MYO18B: variants seen among roughly 807,000 people sequenced by gnomAD.
MYO18B encodes myosin XVIIIB.
A neutral mutation model predicts 273.0 loss-of-function variants in MYO18B; 204 were observed. The observed-to-expected ratio is 0.75, with a 90% CI of 0.67 to 0.84. The LOEUF is 0.84. Ranked by LOEUF, MYO18B falls within the 40% of genes least tolerant of loss-of-function variation. MYO18B has a pLI of 0.00. For synonymous variants in MYO18B, 1,330 were observed against 1,305.7 expected, an observed-to-expected ratio of 1.02 and a Z score of -0.40; for missense variants, 3,212 against 3,287.6, an observed-to-expected ratio of 0.98 and a Z score of 0.56.
At position 25,972,100 on chromosome 22, in the gene MYO18B, G is replaced by T. The variant is rs191471426; in HGVS notation, c.6156+16736G>T. On this transcript the variant is annotated intron_variant, in intron 39 of 43. Coordinates refer to ENST00000335473, the MANE Select transcript of MYO18B (RefSeq NM_032608.7). ...ACTGCATTCCAGCCTGGGTGACAGAGTGAGACTGTCTCAAAAAAAAAAATA... is the reference window on the plus strand; with the variant it reads ...ACTGCATTCCAGCCTGGGTGACAGATTGAGACTGTCTCAAAAAAAAAAATA... Among the ~76,000 whole-genome samples the T allele has an allele frequency of 3.3e-5, 5 of 150,676 alleles. No individual in the cohort carries two copies. The East Asian group carries it at 9.7e-4, about 29-fold the overall frequency.
intron 42 of MYO18B, among the ~76,000 whole-genome samples, chr22:26,008,783 C>A (rs1934649043): frequency 6.6e-6 from 1 of 152,208 alleles, no homozygotes; most frequent in South Asian, 2.1e-4. Context: ...TTACGTCAGT[C>A]CCTGCTGCAT....
chr22:25,783,215 A>G (rs1329765817), intron 10 of MYO18B, among the ~76,000 whole-genome samples: 1 of 152,136 alleles, frequency 6.6e-6, no homozygotes, highest in African/African-American at 2.4e-5. Context: ...ATCCAAAGAA[A>G]TGACTTTGGA....
intron 31 of MYO18B, among the ~76,000 whole-genome samples, chr22:25,905,363 C>T (rs2146357034): frequency 1.3e-5 from 2 of 152,324 alleles, no homozygotes; most frequent in South Asian, 4.1e-4. Context: ...TAAGTACCTC[C>T]TCTGCATCAT....
chr22:25,817,049 TG>T (rs1266442846), intron 12 of MYO18B, among the ~76,000 whole-genome samples: 1 of 152,204 alleles, frequency 6.6e-6, no homozygotes, highest in Non-Finnish European at 1.5e-5. Flanking sequence ...GAACTCATAG[TG>T]GGTGGGGAAA....
chr22:25,777,803 A>G (rs369465673), intron 8 of MYO18B, 22 bp downstream of exon 8: 16 of 1,565,006 alleles, frequency 1.0e-5, no homozygotes, highest in African/African-American at 1.4e-5. Flanking sequence ...TCTAGGTGAC[A>G]TGGAGAGTTG....
At chr22:25,843,689 T>C (rs752576340) in intron 17 of MYO18B, 46 bp from the exon 18 acceptor site, 1 of 1,566,198 alleles carries the variant, frequency 6.4e-7, no homozygotes, top group Non-Finnish European at 8.7e-7. Context: ...GATTGCAGAG[T>C]GTCCTCAACA....
rs1601534568 is a variant in MYO18B at position 25,905,081 on chromosome 22, T to C, written c.5148+1250T>C. On this transcript the variant is annotated intron_variant, in intron 31 of 43. Coordinates refer to ENST00000335473, the MANE Select transcript of MYO18B (RefSeq NM_032608.7). ...AAAAAAAATGCTGAGGCCACCGTTATGCGAGAAAATGTGACCAGGTGTCAT... is the reference window on the plus strand; with the variant it reads ...AAAAAAAATGCTGAGGCCACCGTTACGCGAGAAAATGTGACCAGGTGTCAT... 2.0e-5 allele frequency among the ~76,000 whole-genome samples: 3 copies of C among 151,920 alleles called. No individual in the cohort carries two copies. The South Asian group carries it at 6.2e-4, about 32-fold the overall frequency.
the MYO18B span, among the ~76,000 whole-genome samples, chr22:26,055,919 C>T: frequency 8.5e-5 from 13 of 152,204 alleles, no homozygotes; most frequent in East Asian, 2.5e-3. Context: ...GGAACTAATC[C>T]TACGCCTGAG....
chr22:25,876,068 C>A (rs2091187195), intron 23 of MYO18B, 121 bp from the exon 24 acceptor site: 21 of 704,690 alleles, frequency 3.0e-5, no homozygotes, highest in East Asian at 1.4e-4. Context: ...GTATCCAGTC[C>A]CTTCCACCGG....
intron 39 of MYO18B, among the ~76,000 whole-genome samples, chr22:25,980,181 T>C (rs1281345833): frequency 6.6e-6 from 1 of 152,166 alleles, no homozygotes; most frequent in Non-Finnish European, 1.5e-5. Flanking sequence ...ATCTGGCATG[T>C]GTGTCCAGAG....
intron 42 of MYO18B, among the ~76,000 whole-genome samples, chr22:26,013,152 T>C (rs1935047950): frequency 6.6e-6 from 1 of 152,252 alleles, no homozygotes; most frequent in Admixed American, 6.5e-5. Flanking sequence ...CAGTAATTCA[T>C]TTATTTTCAT....
At chr22:25,846,307 G>T (rs1344303148) in intron 19 of MYO18B, 24 bp downstream of exon 19, 1 of 1,607,760 alleles carries the variant, frequency 6.2e-7, no homozygotes, top group African/African-American at 1.3e-5. Flanking sequence ...CTGTCTCATG[G>T]TGTCCTGGCC....
intron 17 of MYO18B, among the ~76,000 whole-genome samples, chr22:25,838,413 T>A (rs1045407304): frequency 4.6e-5 from 7 of 152,140 alleles, no homozygotes; most frequent in African/African-American, 1.7e-4. Context: ...TTGGCCAGGC[T>A]GGTCTGGAAC....
chr22:26,052,421 G>C, the MYO18B span, among the ~76,000 whole-genome samples: 7 of 152,226 alleles, frequency 4.6e-5, no homozygotes, highest in Non-Finnish European at 1.0e-4. Flanking sequence ...AGGTTGGCCT[G>C]TTGCTGTTTT....
chr22:25,965,099 T>C (rs1422563397), intron 39 of MYO18B: 1 of 152,246 alleles, frequency 6.6e-6, no homozygotes, highest in Non-Finnish European at 1.5e-5. Context: ...GAGCCTGGCT[T>C]GTCAGCCGCT....
chr22:25,833,126 G>A (rs2089773811), intron 16 of MYO18B, 129 bp downstream of exon 16: 1 of 825,960 alleles, frequency 1.2e-6, no homozygotes, highest in Admixed American at 2.2e-5. Flanking sequence ...GGGATCATTG[G>A]CAACGTGGAT....
chr22:25,963,631 T>A (rs538285608), intron 39 of MYO18B, among the ~76,000 whole-genome samples: 1 of 150,426 alleles, frequency 6.6e-6, no homozygotes, highest in East Asian at 2.0e-4. Context: ...TGGATATGGA[T>A]TTTTGGGGGA....
chr22:25,858,145 T>A (rs1165478040), intron 21 of MYO18B, among the ~76,000 whole-genome samples: 1 of 152,226 alleles, frequency 6.6e-6, no homozygotes, highest in Non-Finnish European at 1.5e-5. Flanking sequence ...ATTTGGCCAC[T>A]TGTGTGAGAG....
intron 1 of MYO18B, among the ~76,000 whole-genome samples, chr22:25,760,495 G>A (rs1275082985): frequency 6.6e-6 from 1 of 151,160 alleles, no homozygotes; most frequent in Non-Finnish European, 1.5e-5. Flanking sequence ...GAGCATGAGG[G>A]AAGTTCTAGG....
Sources: gnomAD v4.1 joint callset for allele counts (sites outside exome capture counted in the v4.1 genomes callset) on GRCh38, gnomAD v4.1.1 for gene constraint, MANE v1.5 for transcripts, NCBI Gene and HGNC (gene_info 2026-07-23, HGNC 2026-07-21) for gene names.